The following TRAF3 variants were observed in gnomAD, a reference collection of about 807,000 sequenced individuals.
TRAF3 encodes the protein TNF receptor-associated factor 3.
A neutral mutation model predicts 62.3 loss-of-function variants in TRAF3; 13 were observed. The observed-to-expected ratio is 0.21, with a 90% CI of 0.14 to 0.33. The LOEUF is 0.33. Among genes scored for constraint, TRAF3 ranks in the 10% least tolerant of loss-of-function variants. The pLI, the probability that TRAF3 is intolerant of heterozygous loss-of-function variation, is 1.00. For missense variants in TRAF3, 440 were observed against 741.8 expected, an observed-to-expected ratio of 0.59 and a Z score of 4.73; for synonymous variants, 269 against 283.4, an observed-to-expected ratio of 0.95 and a Z score of 0.51.
chr14:102,785,188 T>G, intron 1 of TRAF3, among the ~76,000 whole-genome samples: 1 of 152,226 alleles, frequency 6.6e-6, no homozygotes, highest in East Asian at 1.9e-4. Context: ...AAATTGTGTA[T>G]TTTTCATGCA....
At chr14:102,836,958 T>G (rs1271323608) in intron 2 of TRAF3, among the ~76,000 whole-genome samples, 1 of 152,190 alleles carries the variant, frequency 6.6e-6, no homozygotes, top group Non-Finnish European at 1.5e-5. Flanking sequence ...CCCCCAAGAA[T>G]AGCTGTAACT....
intron 1 of TRAF3, among the ~76,000 whole-genome samples, chr14:102,811,550 G>GTTTTTTTTTTTTTTTTT (rs35064640): frequency 2.5e-5 from 2 of 79,510 alleles, no homozygotes; most frequent in African/African-American, 4.7e-5. Context: ...GCTGTAGGCG[G>GTTTTTTTTTTTTTTTTT]TTTTTTTTTT....
At chr14:102,837,137 TGTGTG>T (rs1459601351) in intron 2 of TRAF3, among the ~76,000 whole-genome samples, 9 of 134,876 alleles carry the variant, frequency 6.7e-5, no homozygotes, top group African/African-American at 1.3e-4. Flanking sequence ...TGTGTGTGTG[TGTGTG>T]TTTTTTTTGG....
intron 1 of TRAF3, among the ~76,000 whole-genome samples, chr14:102,792,043 C>G (rs1436396565): frequency 6.6e-6 from 1 of 150,476 alleles, no homozygotes; most frequent in African/African-American, 2.4e-5. Context: ...TAGTCCCAAA[C>G]TCCTGAGCAG....
intron 4 of TRAF3, among the ~76,000 whole-genome samples, chr14:102,874,862 G>A (rs1888558251): frequency 6.6e-6 from 1 of 152,014 alleles, no homozygotes; most frequent in Admixed American, 6.5e-5. Context: ...TCATTGTGTT[G>A]CCTAGGCTGG....
intron 6 of TRAF3, among the ~76,000 whole-genome samples, chr14:102,881,550 G>T (rs534008246): frequency 3.3e-5 from 5 of 152,234 alleles, no homozygotes; most frequent in African/African-American, 1.2e-4. Flanking sequence ...AGAACACATA[G>T]ACACATTTAG....
chr14:102,790,731 A>G (rs1428517109), intron 1 of TRAF3, among the ~76,000 whole-genome samples: 1 of 152,204 alleles, frequency 6.6e-6, no homozygotes, highest in Non-Finnish European at 1.5e-5. Context: ...GGATGGGGAC[A>G]CAGCCAAACC....
At chr14:102,892,972 T>TC (rs1157820662) in intron 9 of TRAF3, among the ~76,000 whole-genome samples, 2 of 152,334 alleles carry the variant, frequency 1.3e-5, no homozygotes, top group East Asian at 1.9e-4. Flanking sequence ...ATCTTTTTTT[T>TC]CCCTCTTTTT....
chr14:102,801,971 A>C (rs75347493), intron 1 of TRAF3, among the ~76,000 whole-genome samples: 1 of 147,088 alleles, frequency 6.8e-6, no homozygotes, highest in South Asian at 2.2e-4. Context: ...AGCCGAGATC[A>C]TGCCACTGCA....
chr14:102,812,662 G>A (rs1025170513), intron 1 of TRAF3, among the ~76,000 whole-genome samples: 37 of 152,282 alleles, frequency 2.4e-4, no homozygotes, highest in Admixed American at 9.1e-4. Flanking sequence ...GCTCACGCCT[G>A]TAATCCCAGC....
intron 1 of TRAF3, among the ~76,000 whole-genome samples, chr14:102,797,648 T>A (rs1240610752): frequency 6.6e-6 from 1 of 152,236 alleles, no homozygotes; most frequent in African/African-American, 2.4e-5. Context: ...GAGATTATAG[T>A]TGCTGTGAAA....
rs149653649 is a variant in TRAF3, at chr14:102,877,298, G to C, written c.570+773G>C. On this transcript the variant is annotated intron_variant, in intron 6 of 11. Coordinates refer to ENST00000392745, the MANE Select transcript of TRAF3 (RefSeq NM_145725.3). The stretch of plus-strand genomic sequence containing the variant: ...CAGCTCATAGATAATCCATTCCACA[G>C]GCCTTCCGCTCAGCTCATAGATAAT... 2.6e-4 allele frequency among the ~76,000 whole-genome samples: 38 copies of C among 143,518 alleles called. No homozygotes were observed. In the East Asian group the frequency reaches 6.8e-3, roughly 26 times the overall value. The allele number at this position is 143,518 out of a possible 152,430, so 94.2% of individuals were successfully genotyped here.
chr14:102,781,290 G>C (rs571485900), intron 1 of TRAF3, among the ~76,000 whole-genome samples: 191 of 152,334 alleles, frequency 1.3e-3, no homozygotes, highest in African/African-American at 4.0e-3. Flanking sequence ...TTCCAGTTGG[G>C]AAGTTGCATG....
intron 1 of TRAF3, among the ~76,000 whole-genome samples, chr14:102,816,309 G>A (rs939555629): frequency 6.6e-6 from 1 of 151,836 alleles, no homozygotes; most frequent in Non-Finnish European, 1.5e-5. Context: ...TACCATGTTG[G>A]CCAGGCTGGT....
chr14:102,882,275 A>C (rs1167641571), intron 6 of TRAF3, among the ~76,000 whole-genome samples: 2 of 152,268 alleles, frequency 1.3e-5, no homozygotes, highest in Non-Finnish European at 2.9e-5. Flanking sequence ...TTGTGCAAAC[A>C]TTCCTTATAA....
chr14:102,789,192 GTAT>G (rs1897661016), intron 1 of TRAF3, among the ~76,000 whole-genome samples: 1 of 152,146 alleles, frequency 6.6e-6, no homozygotes, highest in Non-Finnish European at 1.5e-5. Context: ...GCATGTGCCA[GTAT>G]TTGTTCCTTT....
At chr14:102,821,911 G>A (rs1035284272) in intron 1 of TRAF3, among the ~76,000 whole-genome samples, 3 of 152,160 alleles carry the variant, frequency 2.0e-5, no homozygotes, top group Non-Finnish European at 4.4e-5. Flanking sequence ...GTGTGGTGGC[G>A]TGTGCCTGTA....
intron 6 of TRAF3, among the ~76,000 whole-genome samples, chr14:102,885,920 C>T (rs937540215): frequency 1.3e-5 from 2 of 152,188 alleles, no homozygotes; most frequent in Non-Finnish European, 2.9e-5. Context: ...AAGGGGAAAC[C>T]CTTGTGGCGA....
intron 2 of TRAF3, among the ~76,000 whole-genome samples, chr14:102,849,003 T>C (rs1886880708): frequency 6.6e-6 from 1 of 152,222 alleles, no homozygotes; most frequent in Middle Eastern, 3.2e-3. Flanking sequence ...GGTCTTGCTA[T>C]GTTGCCCAGG....
Sources: gnomAD v4.1 joint callset for allele counts (sites outside exome capture counted in the v4.1 genomes callset) on GRCh38, gnomAD v4.1.1 for gene constraint, MANE v1.5 for transcripts, NCBI Gene and HGNC (gene_info 2026-07-23, HGNC 2026-07-21) for gene names.